The following EPS8 variants were observed in gnomAD, a reference collection of about 807,000 sequenced individuals.
EPS8 encodes the protein epidermal growth factor receptor kinase substrate 8.
In EPS8, 42 loss-of-function variants were observed where a neutral mutation model predicts 103.8. The observed-to-expected ratio is 0.40, with a 90% CI of 0.32 to 0.52. The LOEUF (loss-of-function observed/expected upper bound fraction) is 0.52. Among genes scored for constraint, EPS8 ranks in the 20% least tolerant of loss-of-function variants. The pLI is 0.40. For synonymous variants in EPS8, 344 were observed against 344.6 expected (o/e 1.00, Z 0.02); for missense variants, 969 against 1,005.1 (o/e 0.96, Z 0.49).
At chr12:15,720,346 T>C (rs1292535636) in intron 1 of EPS8, among the ~76,000 whole-genome samples, 1 of 152,062 alleles carries the variant, frequency 6.6e-6, no homozygotes, top group Non-Finnish European at 1.5e-5. Flanking sequence ...AGAGATAAGG[T>C]CTTCCTATGT....
At position 15,725,022 on chromosome 12, in the gene EPS8, TG is replaced by T. The variant is rs1466014907; in HGVS notation, c.-21-42051del. Among the ~76,000 whole-genome samples, 2 of 151,880 alleles carry T rather than the reference TG, an allele frequency of 1.3e-5. No individual in the cohort carries two copies. Among genetic ancestry groups the T allele is most frequent in the Non-Finnish European group, 2.9e-5 (2 of 67,966 alleles). ...TTTGTCATTTTGAATTATGTCACAA[TG>T]AAAAAAATTCAACATCCACAGATCA... On this transcript the variant is annotated intron_variant, in intron 1 of 20. Transcript: ENST00000281172. The surrounding 1 kb of genome is among the most constrained non-coding windows in gnomAD (Gnocchi z 4.5).
In EPS8 at chr12:15,665,909, CA is replaced by C; in HGVS notation, c.600-18del. 3.1e-6 allele frequency: 5 copies of C among 1,611,740 alleles called. No individual in the cohort carries two copies. Among genetic ancestry groups the C allele is most frequent in the Non-Finnish European group, 4.2e-6 (5 of 1,179,000 alleles). Reference sequence around the variant, plus strand: ...GAAATCATCCTTAAAAAGATGAAAACAAATAGAATTTTTACCATCTCTATTT... The same window carrying C: ...GAAATCATCCTTAAAAAGATGAAAACAATAGAATTTTTACCATCTCTATTT... On this transcript the variant is annotated intron_variant, in intron 7 of 20. Coordinates refer to ENST00000281172, the MANE Select transcript of EPS8 (RefSeq NM_004447.6).
chr12:15,788,633 C>G (rs192877484), intron 1 of EPS8, among the ~76,000 whole-genome samples: 1 of 152,160 alleles, frequency 6.6e-6, no homozygotes, highest in Non-Finnish European at 1.5e-5. Context: ...AAGTCAACAG[C>G]CATTAGGCAT....
chr12:15,670,501 C>A (rs960657050), intron 4 of EPS8, among the ~76,000 whole-genome samples: 9 of 152,084 alleles, frequency 5.9e-5, no homozygotes, highest in African/African-American at 2.2e-4. Context: ...TTAACTAGAA[C>A]TGGCAATAAC....
In EPS8 at chr12:15,735,836, A is replaced by T. The variant is rs953228382; in HGVS notation, c.-21-52864T>A. Reference sequence around the variant, plus strand: ...ACAATCCATAATTGGCAATATTTTTAAAAACTTATATAGAAAAAAATGCCA... The same window carrying T: ...ACAATCCATAATTGGCAATATTTTTTAAAACTTATATAGAAAAAAATGCCA... On this transcript the variant is annotated intron_variant, in intron 1 of 20. Transcript: ENST00000281172. The surrounding 1 kb of genome is among the most constrained non-coding windows in gnomAD (Gnocchi z 4.4). 5.9e-5 allele frequency among the ~76,000 whole-genome samples: 9 copies of T among 152,220 alleles called. No individual in the cohort carries two copies. Among genetic ancestry groups the T allele is most frequent in the African/African-American group, 1.9e-4 (8 of 41,462 alleles).
rs1048329320 is a variant in EPS8, at chr12:15,767,370, A to G, written c.-22+21791T>C. 1.4e-4 allele frequency among the ~76,000 whole-genome samples: 21 copies of G among 152,128 alleles called. No homozygotes were observed. The highest frequency in any genetic ancestry group is 2.6e-4 in the Non-Finnish European group (18 of 68,006). On this transcript the variant is annotated intron_variant, in intron 1 of 20. Coordinates refer to ENST00000281172, the MANE Select transcript of EPS8 (RefSeq NM_004447.6). The surrounding 1 kb of genome is among the most constrained non-coding windows in gnomAD (Gnocchi z 5.5). The stretch of plus-strand genomic sequence containing the variant: ...CACCAGTGGAATTTTATGCAGAAAA[A>G]TGTTTCTGCTATGAAATGTTTTATC...
At chr12:15,774,912 G>A (rs1947193010) in intron 1 of EPS8, among the ~76,000 whole-genome samples, 1 of 151,708 alleles carries the variant, frequency 6.6e-6, no homozygotes, top group African/African-American at 2.4e-5. Flanking sequence ...AGCAATTCTT[G>A]ACCCTGCTAC....
At chr12:15,664,409 G>T (rs1326676690) in intron 8 of EPS8, among the ~76,000 whole-genome samples, 1 of 151,848 alleles carries the variant, frequency 6.6e-6, no homozygotes, top group Non-Finnish European at 1.5e-5. Flanking sequence ...AAACAATTCA[G>T]AAAGAAAATG....
chr12:15,658,753 C>A (rs1005605668), intron 10 of EPS8, among the ~76,000 whole-genome samples, 168 bp from the exon 11 acceptor site: 2 of 152,118 alleles, frequency 1.3e-5, no homozygotes, highest in Admixed American at 1.3e-4. Context: ...TGAGAAGATA[C>A]AAATTTCAAA....
At position 15,734,520 on chromosome 12, in the gene EPS8, C is replaced by T. The variant is rs1281968370; in HGVS notation, c.-21-51548G>A. Among the ~76,000 whole-genome samples the T allele has an allele frequency of 6.6e-6, 1 of 151,992 alleles. No individual in the cohort carries two copies. The highest frequency in any genetic ancestry group is 2.4e-5 in the African/African-American group (1 of 41,368). On this transcript the variant is annotated intron_variant, in intron 1 of 20. Transcript: ENST00000281172. The surrounding 1 kb of genome is among the most constrained non-coding windows in gnomAD (Gnocchi z 4.1). ...CCATCCTGGCTAACACGGTGAAACCCCGTCTCTACTAAAAATACAAAGAAT... is the reference window on the plus strand; with the variant it reads ...CCATCCTGGCTAACACGGTGAAACCTCGTCTCTACTAAAAATACAAAGAAT...
chr12:15,642,386 G>C (rs1945247460), intron 15 of EPS8, among the ~76,000 whole-genome samples: 1 of 151,984 alleles, frequency 6.6e-6, no homozygotes, highest in Non-Finnish European at 1.5e-5. Flanking sequence ...TTAAGTATGA[G>C]ACTAGTAACA....
At chr12:15,629,802 ATAGTTT>A (rs1164485793) in intron 18 of EPS8, among the ~76,000 whole-genome samples, 4 of 152,204 alleles carry the variant, frequency 2.6e-5, no homozygotes, top group African/African-American at 9.7e-5. Flanking sequence ...TTAAATAGTA[ATAGTTT>A]TAGTGTCTTT....
chr12:15,780,728 GACAACAAAA>G lies in EPS8; in HGVS notation c.-22+8424_-22+8432del, dbSNP rs1947252986. The G allele has an allele frequency of 1.3e-5, 2 of 152,076 alleles. No homozygotes were observed. The highest frequency in any genetic ancestry group is 1.3e-4 in the Admixed American group (2 of 15,260). The allele number at this position is 152,076 out of a possible 1,614,324, so 9.4% of individuals were successfully genotyped here. A position where few individuals can be genotyped will look rare whatever the true frequency, so the allele number is the denominator to read the frequency against. The stretch of plus-strand genomic sequence containing the variant: ...GCTGCCTCCATTCTCTGAGCCTTCT[GACAACAAAA>G]GGCAGAGATCCTGTCTTACTCATCT... On this transcript the variant is annotated intron_variant, in intron 1 of 20. Coordinates refer to ENST00000281172, the MANE Select transcript of EPS8 (RefSeq NM_004447.6). The surrounding 1 kb of genome is among the most constrained non-coding windows in gnomAD (Gnocchi z 4.1).
At chr12:15,662,304 T>A in intron 8 of EPS8, 1 of 1,346,958 alleles carries the variant, frequency 7.4e-7, no homozygotes. Flanking sequence ...AGCTTAAGTA[T>A]TAGTCCTCTC....
chr12:15,672,490 ATGATCCATC>A, intron 3 of EPS8: 1 of 398,514 alleles, frequency 2.5e-6, no homozygotes, highest in Admixed American at 4.4e-5. Flanking sequence ...CTGAGGAAGT[ATGATCCATC>A]TGGTCCTACC....
chr12:15,662,999 CAAA>C (rs5796644), intron 8 of EPS8, among the ~76,000 whole-genome samples: 68 of 128,616 alleles, frequency 5.3e-4, no homozygotes, highest in Admixed American at 4.7e-4. Context: ...CACTTGCCAA[CAAA>C]AAAAAAAAAA....
intron 1 of EPS8, among the ~76,000 whole-genome samples, chr12:15,719,125 T>C (rs949223305): frequency 1.3e-5 from 2 of 151,938 alleles, no homozygotes; most frequent in African/African-American, 4.8e-5. Context: ...TCAGGGGAAA[T>C]GCCCAAGTTT....
intron 15 of EPS8, among the ~76,000 whole-genome samples, chr12:15,642,876 G>A (rs1456287537): frequency 6.6e-6 from 1 of 152,146 alleles, no homozygotes; most frequent in Non-Finnish European, 1.5e-5. Context: ...AACTCCATTG[G>A]AGGAGGGAGA....
intron 1 of EPS8, chr12:15,782,204 A>G (rs1220943760): frequency 6.6e-6 from 1 of 152,108 alleles, no homozygotes; most frequent in Admixed American, 6.5e-5. Context: ...CAATTTAAAA[A>G]CACTCGGGCT....
Sources: allele counts gnomAD v4.1 joint callset (sites outside exome capture counted in the v4.1 genomes callset), GRCh38; gene constraint gnomAD v4.1.1; non-coding constraint Gnocchi (gnomAD v3.1); transcripts MANE v1.5; gene names NCBI Gene and HGNC (gene_info 2026-07-23, HGNC 2026-07-21).